Variants in SIL1 observed in about 807,000 individuals in gnomAD.
The protein encoded by SIL1 is SIL1 nucleotide exchange factor, also known as nucleotide exchange factor SIL1.
A neutral mutation model predicts 49.1 loss-of-function variants in SIL1; 40 were observed. The observed-to-expected ratio is 0.81, with a 90% CI of 0.63 to 1.06. The LOEUF (loss-of-function observed/expected upper bound fraction) is 1.06, where lower values mean the gene tolerates loss of function less well. SIL1 is among the 50% of genes least tolerant of loss of function. The pLI is 0.00. For synonymous variants in SIL1, 253 were observed against 250.8 expected (o/e 1.01, Z -0.08); for missense variants, 500 against 572.6 (o/e 0.87, Z 1.29).
intron 5 of SIL1, among the ~76,000 whole-genome samples, chr5:139,033,274 C>T (rs769757144): frequency 4.6e-5 from 7 of 152,138 alleles, no homozygotes; most frequent in Non-Finnish European, 8.8e-5. Context: ...GGATTATAGG[C>T]GTGAGCCACC....
intron 4 of SIL1, among the ~76,000 whole-genome samples, chr5:139,044,811 G>T (rs1025430956): frequency 7.9e-5 from 12 of 152,036 alleles, no homozygotes; most frequent in African/African-American, 2.9e-4. Flanking sequence ...AGTCTCTTCT[G>T]GTTATCCTGC....
chr5:139,158,804 A>T (rs1387823483), intron 1 of SIL1, among the ~76,000 whole-genome samples: 1 of 152,216 alleles, frequency 6.6e-6, no homozygotes, highest in Non-Finnish European at 1.5e-5. Flanking sequence ...CTAATTTTTT[A>T]AGCTTCTTAA....
chr5:138,991,970 G>A (rs1284703510), intron 7 of SIL1, among the ~76,000 whole-genome samples: 1 of 152,226 alleles, frequency 6.6e-6, no homozygotes, highest in African/African-American at 2.4e-5. Flanking sequence ...TCTCTTTCAG[G>A]TTTGCTGCCA....
chr5:139,109,111 G>A (rs1239380701), intron 3 of SIL1, among the ~76,000 whole-genome samples: 1 of 152,052 alleles, frequency 6.6e-6, no homozygotes, highest in Admixed American at 6.5e-5. Context: ...CACTTTATCT[G>A]GGTGCCTCCA....
chr5:139,124,760 T>G (rs1386393300), intron 2 of SIL1, among the ~76,000 whole-genome samples: 1 of 152,248 alleles, frequency 6.6e-6, no homozygotes. Flanking sequence ...CCTGATCATA[T>G]GTCAGGCACT....
intron 4 of SIL1, among the ~76,000 whole-genome samples, chr5:139,048,575 G>A (rs898470873): frequency 1.3e-5 from 2 of 151,708 alleles, no homozygotes; most frequent in African/African-American, 2.4e-5. Context: ...ACACCCTGTC[G>A]CTGGTGTGTG....
At chr5:138,996,423 A>G (rs1235902381) in intron 7 of SIL1, among the ~76,000 whole-genome samples, 1 of 150,610 alleles carries the variant, frequency 6.6e-6, no homozygotes, top group Non-Finnish European at 1.5e-5. Flanking sequence ...CTGTTTATTA[A>G]TCCTTTGTCA....
At chr5:139,194,106 G>A (rs1752222574) in intron 1 of SIL1, among the ~76,000 whole-genome samples, 1 of 152,224 alleles carries the variant, frequency 6.6e-6, no homozygotes, top group South Asian at 2.1e-4. Context: ...TGGCCAGCCA[G>A]CATAATCACA....
chr5:138,960,498 C>T (rs1766996442), intron 7 of SIL1, among the ~76,000 whole-genome samples: 2 of 149,684 alleles, frequency 1.3e-5, no homozygotes, highest in African/African-American at 5.0e-5. Context: ...TCTAAGCTCA[C>T]TGCAACCTCC....
At chr5:138,965,573 G>A (rs1767119947) in intron 7 of SIL1, among the ~76,000 whole-genome samples, 1 of 151,908 alleles carries the variant, frequency 6.6e-6, no homozygotes. Flanking sequence ...ATAAAGCTTT[G>A]TGTTAAGTTC....
At chr5:139,004,534 C>CTT (rs1038927266) in intron 7 of SIL1, among the ~76,000 whole-genome samples, 1 of 152,148 alleles carries the variant, frequency 6.6e-6, no homozygotes, top group Non-Finnish European at 1.5e-5. Flanking sequence ...CTCTTAACCT[C>CTT]TTTTTTCATT....
At chr5:139,170,616 G>C (rs532644526) in intron 1 of SIL1, among the ~76,000 whole-genome samples, 39 of 150,250 alleles carry the variant, frequency 2.6e-4, no homozygotes, top group Non-Finnish European at 4.9e-4. Flanking sequence ...GAGAAGTGAG[G>C]AGACCCTCTG....
chr5:139,078,450 T>G (rs1192229862), intron 3 of SIL1, among the ~76,000 whole-genome samples: 1 of 152,222 alleles, frequency 6.6e-6, no homozygotes, highest in Non-Finnish European at 1.5e-5. Context: ...TTTTAGAATA[T>G]AGGTCTTGAA....
intron 1 of SIL1, among the ~76,000 whole-genome samples, chr5:139,139,492 G>A (rs1751039909): frequency 6.6e-6 from 1 of 152,212 alleles, no homozygotes; most frequent in Non-Finnish European, 1.5e-5. Context: ...TCTATTGCAA[G>A]CATTCAGCAC....
chr5:139,173,033 T>TA (rs895590059), intron 1 of SIL1, among the ~76,000 whole-genome samples: 3 of 151,928 alleles, frequency 2.0e-5, no homozygotes, highest in Non-Finnish European at 4.4e-5. Context: ...ACTAATGCAT[T>TA]AAAAAAATAG....
intron 1 of SIL1, among the ~76,000 whole-genome samples, chr5:139,164,043 C>G (rs908336937): frequency 6.8e-6 from 1 of 147,344 alleles, no homozygotes; most frequent in African/African-American, 2.5e-5. Flanking sequence ...AGCTTGAGCC[C>G]AGGAGACAGA....
chr5:139,078,658 T>C (rs1218721674), intron 3 of SIL1, among the ~76,000 whole-genome samples: 1 of 152,222 alleles, frequency 6.6e-6, no homozygotes, highest in Non-Finnish European at 1.5e-5. Context: ...AAAAAACCAC[T>C]ACCACACTGC....
At chr5:139,151,401 ACTAT>A (rs1401880289) in intron 1 of SIL1, among the ~76,000 whole-genome samples, 2 of 152,178 alleles carry the variant, frequency 1.3e-5, no homozygotes, top group African/African-American at 4.8e-5. Context: ...AGAAAAACAC[ACTAT>A]CTGTCTGGAA....
Position 139,196,192 on chromosome 5 carries a change from A to T in SIL1, c.-11+2077T>A, listed in dbSNP as rs183154082. Among the ~76,000 whole-genome samples, 174 of 152,086 alleles carry T rather than the reference A, an allele frequency of 1.1e-3. 1 individual carries two copies. Among genetic ancestry groups the T allele is most frequent in the Admixed American group, 3.8e-3 (58 of 15,254 alleles). On this transcript the variant is annotated intron_variant, in intron 1 of 9. Coordinates refer to ENST00000394817, the MANE Select transcript of SIL1 (RefSeq NM_022464.5). ...ACCACAGTGTGAGACCCCATCTGAAAAATAATAATAATAATAATACAGTAT... is the reference window on the plus strand; with the variant it reads ...ACCACAGTGTGAGACCCCATCTGAATAATAATAATAATAATAATACAGTAT...
Sources: allele counts gnomAD v4.1 joint callset (sites outside exome capture counted in the v4.1 genomes callset), GRCh38; gene constraint gnomAD v4.1.1; transcripts MANE v1.5; gene names NCBI Gene and HGNC (gene_info 2026-07-23, HGNC 2026-07-21).